Variants in RNLS observed in about 807,000 individuals in gnomAD.
RNLS encodes the protein renalase, FAD dependent amine oxidase.
A neutral mutation model predicts 39.8 loss-of-function variants in RNLS; 39 were observed. That is an observed-to-expected ratio of 0.98 (90% CI 0.76 to 1.28). The LOEUF (loss-of-function observed/expected upper bound fraction) is 1.28, where lower values mean the gene tolerates loss of function less well. Among genes scored for constraint, RNLS ranks in the 50% most tolerant of loss-of-function variants. The probability of loss-of-function intolerance (pLI) is 0.00; values close to 1 mark genes in which losing one functional copy is unlikely to be tolerated. For missense variants in RNLS, 410 were observed against 413.3 expected (o/e 0.99, Z 0.07); for synonymous variants, 147 against 150.7 (o/e 0.98, Z 0.18).
At chr10:88,539,850 C>T (rs1847952641) in intron 4 of RNLS, among the ~76,000 whole-genome samples, 1 of 151,920 alleles carries the variant, frequency 6.6e-6, no homozygotes, top group Admixed American at 6.6e-5. Context: ...AAATATCATT[C>T]ATGATCTAAT....
At chr10:88,555,298 T>C (rs888126904) in intron 4 of RNLS, among the ~76,000 whole-genome samples, 1 of 152,080 alleles carries the variant, frequency 6.6e-6, no homozygotes, top group Non-Finnish European at 1.5e-5. Flanking sequence ...CAATGTCACC[T>C]TTATCCTCTG....
the RNLS span, among the ~76,000 whole-genome samples, chr10:88,216,866 C>G: frequency 6.6e-6 from 1 of 152,248 alleles, no homozygotes; most frequent in Non-Finnish European, 1.5e-5. Context: ...CACGATGCTG[C>G]AGTCCCTGGG....
chr10:88,336,667 G>A (rs757859148), intron 5 of RNLS, among the ~76,000 whole-genome samples: 7 of 152,070 alleles, frequency 4.6e-5, no homozygotes, highest in African/African-American at 9.7e-5. Context: ...TTCTGTCTTC[G>A]TCAGCTGAGA....
At chr10:88,518,018 T>G (rs2134182548) in intron 4 of RNLS, among the ~76,000 whole-genome samples, 1 of 152,060 alleles carries the variant, frequency 6.6e-6, no homozygotes, top group East Asian at 1.9e-4. Context: ...AAAGTTGTTT[T>G]TGGAAACATG....
intron 4 of RNLS, among the ~76,000 whole-genome samples, chr10:88,366,115 A>C (rs902259291): frequency 6.6e-6 from 1 of 152,142 alleles, no homozygotes; most frequent in Non-Finnish European, 1.5e-5. Context: ...TAATCAAGTA[A>C]ATGGTATGTC....
chr10:88,450,490 T>C (rs1219796456), intron 4 of RNLS, among the ~76,000 whole-genome samples: 1 of 152,158 alleles, frequency 6.6e-6, no homozygotes, highest in Non-Finnish European at 1.5e-5. Context: ...TTCTGTTTCC[T>C]TTATGGAAGG....
chr10:88,221,103 T>G, the RNLS span, among the ~76,000 whole-genome samples: 1 of 152,208 alleles, frequency 6.6e-6, no homozygotes, highest in South Asian at 2.1e-4. Flanking sequence ...ATCCCCCTAC[T>G]TGGCATGCCC....
chr10:88,528,061 A>G (rs1847210974), intron 4 of RNLS, among the ~76,000 whole-genome samples: 1 of 152,042 alleles, frequency 6.6e-6, no homozygotes, highest in Non-Finnish European at 1.5e-5. Context: ...TGTGAGACTG[A>G]GTGAACAAAA....
chr10:88,448,557 G>A (rs1466217672), intron 4 of RNLS, among the ~76,000 whole-genome samples: 1 of 152,202 alleles, frequency 6.6e-6, no homozygotes, highest in East Asian at 1.9e-4. Context: ...TGGTGGGACT[G>A]TAAACTAGTT....
chr10:88,405,535 T>G (rs1313398186), intron 4 of RNLS, among the ~76,000 whole-genome samples: 1 of 152,108 alleles, frequency 6.6e-6, no homozygotes, highest in African/African-American at 2.4e-5. Context: ...GCTTTTGGTG[T>G]CCTTTCGCAT....
the RNLS span, among the ~76,000 whole-genome samples, chr10:88,240,416 A>ATTTT: frequency 9.1e-4 from 124 of 136,976 alleles, no homozygotes; most frequent in African/African-American, 2.8e-3. Flanking sequence ...CTTTTTTTAA[A>ATTTT]AAAAAAAAAA....
the RNLS span, among the ~76,000 whole-genome samples, chr10:88,225,253 C>T: frequency 4.1e-4 from 62 of 152,148 alleles, 1 homozygote; most frequent in African/African-American, 2.2e-4. Context: ...TAGTGTTTTA[C>T]GCTTTAGATT....
intron 4 of RNLS, among the ~76,000 whole-genome samples, chr10:88,536,556 A>G (rs1346803548): frequency 6.6e-6 from 1 of 152,072 alleles, no homozygotes. Flanking sequence ...TCTAGCTCCT[A>G]TCTACCTCAC....
chr10:88,354,207 C>T (rs1182594712), intron 5 of RNLS, among the ~76,000 whole-genome samples: 18 of 152,142 alleles, frequency 1.2e-4, no homozygotes, highest in Non-Finnish European at 2.6e-4. Flanking sequence ...AGCATTTAGC[C>T]TGTTTACATG....
chr10:88,198,555 A>G, the RNLS span, among the ~76,000 whole-genome samples: 107 of 152,214 alleles, frequency 7.0e-4, no homozygotes, highest in South Asian at 5.6e-3. Flanking sequence ...GTAATCCCCA[A>G]TGTTGGAGGA....
At chr10:88,361,286 T>C (rs1261916678) in intron 5 of RNLS, among the ~76,000 whole-genome samples, 1 of 152,208 alleles carries the variant, frequency 6.6e-6, no homozygotes, top group Non-Finnish European at 1.5e-5. Context: ...CCTATGTCTG[T>C]GGAGGAGACA....
At chr10:88,476,415 C>G (rs774257200) in intron 4 of RNLS, among the ~76,000 whole-genome samples, 3 of 152,146 alleles carry the variant, frequency 2.0e-5, no homozygotes, top group Non-Finnish European at 2.9e-5. Flanking sequence ...CTGATGGGCA[C>G]TGGTCCATGG....
the RNLS span, among the ~76,000 whole-genome samples, chr10:88,209,089 G>A: frequency 4.6e-5 from 7 of 152,062 alleles, no homozygotes; most frequent in East Asian, 1.9e-4. Flanking sequence ...AAACATATCC[G>A]AAACTCTTCT....
intron 4 of RNLS, among the ~76,000 whole-genome samples, chr10:88,381,496 T>TAC (rs1345863082): frequency 6.7e-6 from 1 of 150,126 alleles, no homozygotes; most frequent in Non-Finnish European, 1.5e-5. Flanking sequence ...TATATATATA[T>TAC]ACATATTAAA....
Sources: allele counts gnomAD v4.1 joint callset (sites outside exome capture counted in the v4.1 genomes callset), GRCh38; gene constraint gnomAD v4.1.1; transcripts MANE v1.5; gene names NCBI Gene and HGNC (gene_info 2026-07-23, HGNC 2026-07-21).